The following CABCOCO1 variants were observed in gnomAD, a reference collection of about 807,000 sequenced individuals.
CABCOCO1 encodes the protein ciliary associated calcium binding coiled-coil 1.
Under a neutral mutation model 35.7 loss-of-function variants are expected in CABCOCO1, and 28 were observed. That is an observed-to-expected ratio of 0.78 (90% CI 0.58 to 1.07). CABCOCO1 has a LOEUF of 1.07. CABCOCO1 is among the 50% of genes least tolerant of loss of function. The pLI is 0.00. For synonymous variants in CABCOCO1, 95 were observed against 100.1 expected, an observed-to-expected ratio of 0.95 and a Z score of 0.30; for missense variants, 326 against 309.2, an observed-to-expected ratio of 1.05 and a Z score of -0.41.
intron 5 of CABCOCO1, among the ~76,000 whole-genome samples, chr10:61,717,037 C>T (rs1033704516): frequency 6.6e-6 from 1 of 152,010 alleles, no homozygotes; most frequent in Non-Finnish European, 1.5e-5. Flanking sequence ...CGAACACTAC[C>T]GAATTCTTAA....
At chr10:61,671,123 G>A (rs894277636) in intron 1 of CABCOCO1, among the ~76,000 whole-genome samples, 2 of 152,106 alleles carry the variant, frequency 1.3e-5, no homozygotes, top group African/African-American at 4.8e-5. Context: ...TCAGGAGGTC[G>A]AGATCATCCT....
chr10:61,703,227 G>GACACACACACACACAC (rs35152499), intron 5 of CABCOCO1, among the ~76,000 whole-genome samples: 1 of 141,490 alleles, frequency 7.1e-6, no homozygotes, highest in Non-Finnish European at 1.5e-5. Flanking sequence ...CTTGTGAGGA[G>GACACACACACACACAC]ACACACACAC....
At chr10:61,761,855 C>G (rs1330635306) in intron 7 of CABCOCO1, among the ~76,000 whole-genome samples, 5 of 152,048 alleles carry the variant, frequency 3.3e-5, no homozygotes, top group African/African-American at 1.2e-4. Context: ...CATAAGCATA[C>G]CTTGTTACTT....
intron 2 of CABCOCO1, among the ~76,000 whole-genome samples, chr10:61,674,499 G>C (rs567559162): frequency 6.6e-6 from 1 of 152,140 alleles, no homozygotes; most frequent in Non-Finnish European, 1.5e-5. Context: ...TTTTCGTAAT[G>C]GTAATCCTGA....
chr10:61,664,880 A>G (rs1839118562), intron 1 of CABCOCO1, among the ~76,000 whole-genome samples: 1 of 152,184 alleles, frequency 6.6e-6, no homozygotes, highest in Admixed American at 6.5e-5. Context: ...TCTGTTCCCA[A>G]GGCCACCACT....
intron 1 of CABCOCO1, among the ~76,000 whole-genome samples, chr10:61,668,325 T>C (rs571425770): frequency 1.3e-5 from 2 of 152,128 alleles, no homozygotes; most frequent in South Asian, 4.1e-4. Context: ...TTTTTGTTAG[T>C]TCAGGGTTTT....
chr10:61,719,552 C>T (rs1589138999), intron 5 of CABCOCO1, among the ~76,000 whole-genome samples: 1 of 152,216 alleles, frequency 6.6e-6, no homozygotes, highest in Admixed American at 6.5e-5. Context: ...TATACACTTG[C>T]ACTGCTGATG....
intron 5 of CABCOCO1, among the ~76,000 whole-genome samples, chr10:61,728,909 C>T (rs1259372953): frequency 2.0e-5 from 3 of 152,198 alleles, no homozygotes; most frequent in Middle Eastern, 3.4e-3. Flanking sequence ...GGAATGCCAG[C>T]GCATGTCTAC....
At chr10:61,719,530 C>T (rs1242806337) in intron 5 of CABCOCO1, among the ~76,000 whole-genome samples, 1 of 152,058 alleles carries the variant, frequency 6.6e-6, no homozygotes, top group Admixed American at 6.5e-5. Context: ...ACAGAAAATA[C>T]TCAGCATAGG....
chr10:61,759,201 T>C (rs1262405660), intron 5 of CABCOCO1, among the ~76,000 whole-genome samples: 1 of 152,042 alleles, frequency 6.6e-6, no homozygotes, highest in Admixed American at 6.6e-5. Flanking sequence ...CAATGAGGCA[T>C]GTAGTAGGCA....
chr10:61,705,352 C>G (rs569604408), intron 5 of CABCOCO1, among the ~76,000 whole-genome samples: 1 of 152,358 alleles, frequency 6.6e-6, no homozygotes, highest in East Asian at 1.9e-4. Flanking sequence ...ATTTCCAGGT[C>G]AGTGTCTGTT....
In CABCOCO1 at chr10:61,669,222, A is replaced by AAC. The variant is rs559101997; in HGVS notation, c.61-3409_61-3408insCA. ...AAAAGTTTACATTCTAGAAAGAAAAAATATATACAAATGTGAAAAGTTTAG... is the reference window on the plus strand; with the variant it reads ...AAAAGTTTACATTCTAGAAAGAAAAAACATATATACAAATGTGAAAAGTTTAG... On this transcript the variant is annotated intron_variant, in intron 1 of 7. Transcript: ENST00000648843. Among the ~76,000 whole-genome samples, 781 of 152,062 alleles carry AAC rather than the reference A, an allele frequency of 5.1e-3. 2 individuals are homozygous for AAC. Among genetic ancestry groups the AAC allele is most frequent in the Non-Finnish European group, 8.9e-3 (601 of 67,868 alleles).
chr10:61,748,516 C>T (rs1564555068), intron 5 of CABCOCO1, among the ~76,000 whole-genome samples: 1 of 152,178 alleles, frequency 6.6e-6, no homozygotes, highest in Non-Finnish European at 1.5e-5. Flanking sequence ...GAAGAAAACA[C>T]GCAGTGGGTG....
At chr10:61,692,443 C>T (rs778307124) in intron 5 of CABCOCO1, among the ~76,000 whole-genome samples, 2 of 152,070 alleles carry the variant, frequency 1.3e-5, no homozygotes, top group Non-Finnish European at 2.9e-5. Flanking sequence ...TTCTGTAGGT[C>T]CACAATTACT....
intron 5 of CABCOCO1, among the ~76,000 whole-genome samples, chr10:61,738,779 A>T (rs1380850936): frequency 6.6e-6 from 1 of 152,238 alleles, no homozygotes; most frequent in East Asian, 1.9e-4. Flanking sequence ...AAGCCCAAAT[A>T]ACTTTGAATT....
At chr10:61,743,899 A>G (rs910139328) in intron 5 of CABCOCO1, among the ~76,000 whole-genome samples, 1 of 152,072 alleles carries the variant, frequency 6.6e-6, no homozygotes, top group African/African-American at 2.4e-5. Flanking sequence ...TCCTTCTTCT[A>G]TATTTCTAGA....
intron 1 of CABCOCO1, among the ~76,000 whole-genome samples, chr10:61,669,130 T>C (rs1195656549): frequency 6.6e-6 from 1 of 151,822 alleles, no homozygotes; most frequent in East Asian, 1.9e-4. Flanking sequence ...ATCTTTCTTT[T>C]GGTGAATACT....
In CABCOCO1 at chr10:61,669,020, G is replaced by GAAAAAAAAAAA. The variant is rs200867627; in HGVS notation, c.61-3609_61-3599dup. Among the ~76,000 whole-genome samples the GAAAAAAAAAAA allele has an allele frequency of 5.9e-5, 6 of 102,472 alleles. 1 individual carries two copies. Among genetic ancestry groups the GAAAAAAAAAAA allele is most frequent in the South Asian group, 3.8e-4 (1 of 2,608 alleles). 67.2% of individuals were successfully genotyped at this position (102,472 alleles called of 152,430 possible). On this transcript the variant is annotated intron_variant, in intron 1 of 7. Transcript: ENST00000648843. Reference sequence around the variant, plus strand: ...TGGTTCATTTATTTTAAGGGTTGGGGAAAAAAAAAAAAACACCTTCCAAGT... The same window carrying GAAAAAAAAAAA: ...TGGTTCATTTATTTTAAGGGTTGGGGAAAAAAAAAAAAAAAAAAAAAAAACACCTTCCAAGT...
chr10:61,742,141 G>A (rs1188988395), intron 5 of CABCOCO1, among the ~76,000 whole-genome samples: 1 of 152,154 alleles, frequency 6.6e-6, no homozygotes, highest in Admixed American at 6.5e-5. Flanking sequence ...CAAAGAGTGA[G>A]CGAAAGGGAG....
Sources: gnomAD v4.1 joint callset for allele counts (sites outside exome capture counted in the v4.1 genomes callset) on GRCh38, gnomAD v4.1.1 for gene constraint, MANE v1.5 for transcripts, NCBI Gene and HGNC (gene_info 2026-07-23, HGNC 2026-07-21) for gene names.